FAT3: variants seen among roughly 807,000 people sequenced by gnomAD.
FAT3 encodes FAT atypical cadherin 3, also known as protocadherin Fat 3.
In FAT3, 95 loss-of-function variants were observed where a neutral mutation model predicts 310.2. That is an observed-to-expected ratio of 0.31 (90% CI 0.26 to 0.36). The LOEUF is 0.36. FAT3 is among the 10% of genes least tolerant of loss of function. FAT3 has a pLI of 1.00. For missense variants in FAT3, 5,408 were observed against 5,715.6 expected (o/e 0.95, Z 1.74); for synonymous variants, 2,314 against 2,192.9 (o/e 1.06, Z -1.54).
intron 1 of FAT3, among the ~76,000 whole-genome samples, chr11:92,317,342 G>T (rs914076326): frequency 6.6e-6 from 1 of 152,174 alleles, no homozygotes; most frequent in African/African-American, 2.4e-5. Flanking sequence ...AGTGATTGCA[G>T]ATTGCTAATT....
At chr11:92,341,173 C>G (rs1033163812) in intron 1 of FAT3, among the ~76,000 whole-genome samples, 1 of 152,124 alleles carries the variant, frequency 6.6e-6, no homozygotes, top group Non-Finnish European at 1.5e-5. Flanking sequence ...TTCTTTAAGG[C>G]GTGTCTACAA....
At chr11:92,825,016 A>C (rs1266672063) in intron 13 of FAT3, among the ~76,000 whole-genome samples, 2 of 152,216 alleles carry the variant, frequency 1.3e-5, no homozygotes, top group Non-Finnish European at 2.9e-5. Context: ...TCTATTTAGC[A>C]GAAGCTTTGT....
chr11:92,278,248 T>C (rs1946329681), intron 1 of FAT3, among the ~76,000 whole-genome samples: 1 of 152,206 alleles, frequency 6.6e-6, no homozygotes, highest in African/African-American at 2.4e-5. Context: ...AATAAACTTT[T>C]ATGAGTAATT....
chr11:92,649,820 T>C (rs1285889218), intron 3 of FAT3, among the ~76,000 whole-genome samples: 1 of 140,298 alleles, frequency 7.1e-6, no homozygotes, highest in Non-Finnish European at 1.6e-5. Context: ...CCTTTCTTCA[T>C]TATCTTTTCT....
At chr11:92,855,216 A>G (rs920312560) in intron 19 of FAT3, among the ~76,000 whole-genome samples, 6 of 152,214 alleles carry the variant, frequency 3.9e-5, no homozygotes, top group African/African-American at 1.4e-4. Flanking sequence ...TGAACTTATT[A>G]TGAATAAACA....
intron 4 of FAT3, among the ~76,000 whole-genome samples, chr11:92,701,699 G>T (rs887423801): frequency 2.0e-5 from 3 of 152,180 alleles, no homozygotes; most frequent in African/African-American, 7.2e-5. Context: ...CCAGCATACA[G>T]ATGCCAAGAG....
At position 92,224,924 on chromosome 11, in the gene FAT3, C is replaced by G. The variant is rs573087894; in HGVS notation, c.-268C>G. On this transcript the variant is annotated 5_prime_UTR_variant, in exon 1 of 28. Coordinates refer to ENST00000525166, the MANE Select transcript of FAT3 (RefSeq NM_001367949.2). ...GATTGGGATCTCGCGCCTCCCGTCC[C>G]TCTCCTCCCGCTGCTGTTCTCTTCA... is the stretch of plus-strand genomic sequence containing the variant. 3.8e-3 allele frequency among the ~76,000 whole-genome samples: 578 copies of G among 152,192 alleles called. 3 individuals carry two copies. The highest frequency in any genetic ancestry group is 0.013 in the African/African-American group (552 of 41,528).
At chr11:92,568,275 A>C (rs1163319465) in intron 3 of FAT3, among the ~76,000 whole-genome samples, 1 of 152,132 alleles carries the variant, frequency 6.6e-6, no homozygotes, top group Admixed American at 6.6e-5. Context: ...GAAGAATTTA[A>C]ATGTTACTGG....
intron 2 of FAT3, among the ~76,000 whole-genome samples, chr11:92,386,516 A>G (rs1396965404): frequency 6.6e-6 from 1 of 152,242 alleles, no homozygotes; most frequent in East Asian, 1.9e-4. Flanking sequence ...ATAAAAGCAT[A>G]AAGGAACTTC....
At chr11:92,301,806 G>A (rs1014156357) in intron 1 of FAT3, among the ~76,000 whole-genome samples, 1 of 152,036 alleles carries the variant, frequency 6.6e-6, no homozygotes, top group Non-Finnish European at 1.5e-5. Context: ...TGGGTCTAGA[G>A]TGTTGTTGCT....
At chr11:92,603,368 G>A (rs911898730) in intron 3 of FAT3, among the ~76,000 whole-genome samples, 9 of 152,136 alleles carry the variant, frequency 5.9e-5, no homozygotes, top group African/African-American at 1.9e-4. Flanking sequence ...CATAGATGAG[G>A]GAAGAATAAT....
intron 3 of FAT3, among the ~76,000 whole-genome samples, chr11:92,644,279 T>G (rs1387301005): frequency 1.3e-5 from 2 of 152,254 alleles, no homozygotes; most frequent in Non-Finnish European, 2.9e-5. Context: ...ATCAATTATG[T>G]TCATGAGTTG....
intron 22 of FAT3, among the ~76,000 whole-genome samples, chr11:92,868,993 C>T (rs562229172): frequency 6.6e-6 from 1 of 152,302 alleles, no homozygotes; most frequent in African/African-American, 2.4e-5. Flanking sequence ...GGGCCCCAGC[C>T]TTGCCTATAG....
At chr11:92,281,918 T>A (rs1165490761) in intron 1 of FAT3, among the ~76,000 whole-genome samples, 1 of 152,140 alleles carries the variant, frequency 6.6e-6, no homozygotes. Flanking sequence ...CCCTTCTTTT[T>A]TTTTTGAGAC....
chr11:92,270,182 T>G (rs1247599096), intron 1 of FAT3, among the ~76,000 whole-genome samples: 1 of 152,138 alleles, frequency 6.6e-6, no homozygotes, highest in Non-Finnish European at 1.5e-5. Flanking sequence ...CTTAAAATAC[T>G]TTATATTCTG....
intron 3 of FAT3, among the ~76,000 whole-genome samples, chr11:92,627,999 G>A (rs914413536): frequency 1.3e-5 from 2 of 152,128 alleles, no homozygotes; most frequent in African/African-American, 4.8e-5. Flanking sequence ...CCTCAGAAAT[G>A]TTGACTCGCC....
chr11:92,355,163 G>C lies in FAT3; in HGVS notation c.3051G>C (p.Arg1017=). Residue 1017 remains arginine (R), a synonymous_variant, in exon 2 of 28, where the codon CGG becomes CGC. Transcript: ENST00000525166. ...NLTVRAKDKG[R]PVSLSSVSFV... Reference sequence around the variant, plus strand: ...CTGTGCGGGCCAAAGACAAAGGGCGGCCTGTCTCTCTGTCATCTGTTTCCT... The same window carrying C: ...CTGTGCGGGCCAAAGACAAAGGGCGCCCTGTCTCTCTGTCATCTGTTTCCT... The C allele has an allele frequency of 6.2e-7, 1 of 1,613,768 alleles. No homozygotes were observed. Among genetic ancestry groups the C allele is most frequent in the Non-Finnish European group, 8.5e-7 (1 of 1,179,836 alleles).
intron 3 of FAT3, among the ~76,000 whole-genome samples, chr11:92,536,583 G>A (rs866283103): frequency 1.2e-4 from 18 of 152,156 alleles, no homozygotes; most frequent in Admixed American, 9.2e-4. Context: ...TATACTCTCA[G>A]TAAACGTTCA....
intron 6 of FAT3, 60 bp downstream of exon 6, chr11:92,765,149 G>T: frequency 1.1e-5 from 11 of 984,322 alleles, no homozygotes; most frequent in Non-Finnish European, 1.5e-5. Context: ...AAGCAACTAG[G>T]AAAAAAAAAA....
Sources: gnomAD v4.1 joint callset for allele counts (sites outside exome capture counted in the v4.1 genomes callset) on GRCh38, gnomAD v4.1.1 for gene constraint, MANE v1.5 for transcripts, NCBI Gene and HGNC (gene_info 2026-07-23, HGNC 2026-07-21) for gene names.